Variants in AGTPBP1 observed in about 807,000 individuals in gnomAD.
AGTPBP1 encodes the protein ATP/GTP binding carboxypeptidase 1, also known as cytosolic carboxypeptidase 1.
Under a neutral mutation model 143.9 loss-of-function variants are expected in AGTPBP1, and 70 were observed. That is an observed-to-expected ratio of 0.49 (90% CI 0.40 to 0.59). AGTPBP1 has a LOEUF of 0.59. Ranked by LOEUF, AGTPBP1 falls within the 20% of genes least tolerant of loss-of-function variation. The pLI, the probability that AGTPBP1 is intolerant of heterozygous loss-of-function variation, is 0.00. For missense variants in AGTPBP1, 1,229 were observed against 1,464.5 expected, an observed-to-expected ratio of 0.84 and a Z score of 2.62; for synonymous variants, 463 against 500.2, an observed-to-expected ratio of 0.93 and a Z score of 0.99.
chr9:85,782,204 T>C, the AGTPBP1 span, among the ~76,000 whole-genome samples: 3 of 152,130 alleles, frequency 2.0e-5, no homozygotes, highest in Non-Finnish European at 4.4e-5. Context: ...TGAAGTGATA[T>C]ATGCTGAAAA....
At chr9:85,732,476 T>C (rs907697412) in intron 1 of AGTPBP1, among the ~76,000 whole-genome samples, 1 of 152,058 alleles carries the variant, frequency 6.6e-6, no homozygotes. Context: ...TTTGGGTTTT[T>C]TTGAAGAAAC....
intron 23 of AGTPBP1, among the ~76,000 whole-genome samples, chr9:85,584,283 C>T (rs536167611): frequency 1.3e-5 from 2 of 152,210 alleles, no homozygotes; most frequent in Admixed American, 1.3e-4. Flanking sequence ...TATTTGTTGA[C>T]TGTTGACATG....
the AGTPBP1 span, among the ~76,000 whole-genome samples, chr9:85,771,131 C>A: frequency 2.0e-5 from 3 of 152,172 alleles, no homozygotes; most frequent in African/African-American, 7.2e-5. Context: ...AATGAGATAA[C>A]TCTTCTCTGA....
chr9:85,804,463 C>A, the AGTPBP1 span, among the ~76,000 whole-genome samples: 1 of 152,170 alleles, frequency 6.6e-6, no homozygotes, highest in Non-Finnish European at 1.5e-5. Flanking sequence ...CCACTTTTCA[C>A]GTGGCACCTA....
At chr9:85,595,253 T>C (rs1248193810) in intron 18 of AGTPBP1, among the ~76,000 whole-genome samples, 2 of 152,170 alleles carry the variant, frequency 1.3e-5, no homozygotes, top group Non-Finnish European at 2.9e-5. Flanking sequence ...CTTCTTCTAA[T>C]TGATAAAACT....
chr9:85,785,733 T>G, the AGTPBP1 span: 1 of 178,332 alleles, frequency 5.6e-6, no homozygotes, highest in Non-Finnish European at 1.2e-5. Flanking sequence ...TATCCAGTGC[T>G]GGCATCACTT....
the AGTPBP1 span, among the ~76,000 whole-genome samples, chr9:85,761,818 A>G: frequency 6.6e-6 from 1 of 152,240 alleles, no homozygotes; most frequent in Non-Finnish European, 1.5e-5. Context: ...AAAAGAAACT[A>G]CCGTCAGAGT....
chr9:85,796,596 A>G, the AGTPBP1 span, among the ~76,000 whole-genome samples: 1 of 151,928 alleles, frequency 6.6e-6, no homozygotes, highest in Non-Finnish European at 1.5e-5. Context: ...TCAAGTAGAT[A>G]CATCTACAGA....
chr9:85,695,401 T>G (rs1836158775), intron 2 of AGTPBP1, among the ~76,000 whole-genome samples: 1 of 152,178 alleles, frequency 6.6e-6, no homozygotes, highest in Non-Finnish European at 1.5e-5. Flanking sequence ...CCTAAGACCC[T>G]TTCAGCAAAT....
intron 8 of AGTPBP1, among the ~76,000 whole-genome samples, chr9:85,668,191 C>T (rs1834246248): frequency 1.3e-5 from 2 of 152,060 alleles, no homozygotes; most frequent in Non-Finnish European, 2.9e-5. Context: ...ATATTATCCT[C>T]TCTACATTTG....
intron 1 of AGTPBP1, among the ~76,000 whole-genome samples, chr9:85,718,420 T>C (rs935879018): frequency 1.3e-5 from 2 of 152,226 alleles, no homozygotes; most frequent in African/African-American, 4.8e-5. Context: ...TGATGACCAG[T>C]GATAACGAGC....
the AGTPBP1 span, among the ~76,000 whole-genome samples, chr9:85,802,325 A>G: frequency 6.6e-6 from 1 of 151,990 alleles, no homozygotes; most frequent in East Asian, 1.9e-4. Flanking sequence ...CTCTACCACC[A>G]CCAACTCTGC....
At chr9:85,803,726 T>G in the AGTPBP1 span, among the ~76,000 whole-genome samples, 1 of 152,338 alleles carries the variant, frequency 6.6e-6, no homozygotes, top group Middle Eastern at 3.4e-3. Flanking sequence ...CTTTCCCATA[T>G]TACAAAACCT....
chr9:85,572,872 G>T (rs527543248), intron 25 of AGTPBP1, among the ~76,000 whole-genome samples: 30 of 152,240 alleles, frequency 2.0e-4, no homozygotes, highest in African/African-American at 6.7e-4. Context: ...GGAGTTCCAA[G>T]TAATGTTTGT....
chr9:85,617,784 A>C (rs886803154), intron 17 of AGTPBP1, among the ~76,000 whole-genome samples: 5 of 152,220 alleles, frequency 3.3e-5, no homozygotes, highest in African/African-American at 1.2e-4. Context: ...CCATCAATAC[A>C]GACCCTGCAG....
intron 5 of AGTPBP1, 63 bp from the exon 6 acceptor site, chr9:85,677,645 A>C: frequency 7.5e-7 from 1 of 1,331,574 alleles, no homozygotes; most frequent in Non-Finnish European, 1.0e-6. Flanking sequence ...AAATTTAAAC[A>C]AACATATTAG....
intron 8 of AGTPBP1, among the ~76,000 whole-genome samples, chr9:85,664,442 C>T (rs1394316534): frequency 6.6e-6 from 1 of 152,102 alleles, no homozygotes; most frequent in Admixed American, 6.6e-5. Context: ...GCCTAAAGTT[C>T]ATTTTTATAT....
chr9:85,681,950 C>T (rs2134167717), intron 3 of AGTPBP1, among the ~76,000 whole-genome samples: 1 of 151,308 alleles, frequency 6.6e-6, no homozygotes, highest in South Asian at 2.1e-4. Flanking sequence ...GGGTTTTACC[C>T]TGTTGGTCAG....
intron 4 of AGTPBP1, among the ~76,000 whole-genome samples, chr9:85,680,412 T>C (rs1444073970): frequency 6.6e-6 from 1 of 152,046 alleles, no homozygotes; most frequent in African/African-American, 2.4e-5. Context: ...GGTGAAACCC[T>C]GTCTCTACTA....
Sources: allele counts gnomAD v4.1 joint callset (sites outside exome capture counted in the v4.1 genomes callset), GRCh38; gene constraint gnomAD v4.1.1; transcripts MANE v1.5; gene names NCBI Gene and HGNC (gene_info 2026-07-23, HGNC 2026-07-21).